Variants in CD96 observed in about 807,000 individuals in gnomAD.
CD96 encodes T-cell surface protein tactile.
Under a neutral mutation model 71.3 loss-of-function variants are expected in CD96, and 70 were observed. The ratio of observed to expected loss-of-function variants is 0.98; its 90% CI spans 0.81 to 1.20. The LOEUF is 1.20. Ranked by LOEUF, CD96 falls within the 50% of genes most tolerant of loss-of-function variation. The probability of loss-of-function intolerance (pLI) is 0.00; values close to 1 mark genes in which losing one functional copy is unlikely to be tolerated. For synonymous variants in CD96, 248 were observed against 233.0 expected, an observed-to-expected ratio of 1.06 and a Z score of -0.59; for missense variants, 742 against 677.5, an observed-to-expected ratio of 1.10 and a Z score of -1.06.
chr3:111,583,930 C>G (rs1414185166), intron 4 of CD96, among the ~76,000 whole-genome samples: 1 of 152,216 alleles, frequency 6.6e-6, no homozygotes, highest in African/African-American at 2.4e-5. Flanking sequence ...CTCCTTCCTA[C>G]TTATGCAAAT....
intron 10 of CD96, among the ~76,000 whole-genome samples, chr3:111,629,842 G>A (rs891956295): frequency 2.0e-5 from 3 of 152,084 alleles, no homozygotes; most frequent in East Asian, 1.9e-4. Flanking sequence ...AATCAAATGA[G>A]AACTCAAGAT....
Position 111,598,194 on chromosome 3 carries a change from T to C in CD96, c.882T>C (p.Leu294=), listed in dbSNP as rs774426874. Residue 294 remains leucine, a synonymous_variant, in exon 6 of 14, where the codon CTT becomes CTC. Transcript: ENST00000352690. ...CATGGTTTATAGATGGAAGTTTTCTTCATGATGAAAAAGAAGGTAAGGAAA... is the reference window on the plus strand; with the variant it reads ...CATGGTTTATAGATGGAAGTTTTCTCCATGATGAAAAAGAAGGTAAGGAAA... ...NITWFIDGSF[L]HDEKEGIYIT... 8.6e-6 allele frequency: 12 copies of C among 1,401,056 alleles called. No homozygotes were observed. Among genetic ancestry groups the C allele is most frequent in the Non-Finnish European group, 1.1e-5 (11 of 986,400 alleles). 86.8% of individuals were successfully genotyped at this position (1,401,056 alleles called of 1,614,324 possible). A position where few individuals can be genotyped will look rare whatever the true frequency, so the allele number is the denominator to read the frequency against.
At chr3:111,659,874 C>T (rs1940314494) in intron 14 of CD96, among the ~76,000 whole-genome samples, 2 of 152,100 alleles carry the variant, frequency 1.3e-5, no homozygotes, top group South Asian at 2.1e-4. Flanking sequence ...AAGGAACATA[C>T]ATCAAAATAA....
intron 10 of CD96, among the ~76,000 whole-genome samples, chr3:111,629,701 A>G (rs1938962401): frequency 6.6e-6 from 1 of 152,176 alleles, no homozygotes; most frequent in African/African-American, 2.4e-5. Flanking sequence ...CCCAAAAACA[A>G]CAGAATATAT....
chr3:111,554,700 C>A (rs1029637110), intron 2 of CD96, among the ~76,000 whole-genome samples: 2 of 152,004 alleles, frequency 1.3e-5, no homozygotes, highest in African/African-American at 4.8e-5. Context: ...GCATGGAAGA[C>A]AACTTTTCCA....
rs556121326 is a variant in CD96, at chr3:111,623,498, A to AAT, written c.1181-251_1181-250dup. Among the ~76,000 whole-genome samples, 239 of 152,318 alleles carry AAT rather than the reference A, an allele frequency of 1.6e-3. 1 individual carries two copies. Among genetic ancestry groups the AAT allele is most frequent in the Admixed American group, 6.6e-3 (101 of 15,304 alleles). On this transcript the variant is annotated intron_variant, in intron 8 of 13. Coordinates refer to ENST00000352690, the MANE Select transcript of CD96 (RefSeq NM_005816.5). ...TCTGGCATACAGTAGACACTGAAAT[A>AAT]ATATATTTTGAAAGTATGAATATAA...
intron 10 of CD96, among the ~76,000 whole-genome samples, chr3:111,630,477 A>G (rs1182649968): frequency 2.0e-5 from 3 of 152,220 alleles, no homozygotes; most frequent in Non-Finnish European, 2.9e-5. Flanking sequence ...GAATCCCTGA[A>G]TAGACCAATA....
intron 14 of CD96, among the ~76,000 whole-genome samples, chr3:111,663,775 GTC>G (rs1390959900): frequency 6.7e-6 from 1 of 148,480 alleles, no homozygotes; most frequent in Non-Finnish European, 1.5e-5. Flanking sequence ...TTGAGATGGA[GTC>G]TCGCTCTGTT....
chr3:111,561,714 C>T (rs1473789265), intron 2 of CD96, among the ~76,000 whole-genome samples: 5 of 142,142 alleles, frequency 3.5e-5, no homozygotes, highest in Non-Finnish European at 7.8e-5. Context: ...AGGCAGGCCT[C>T]CTTGAGCTGT....
chr3:111,569,724 A>G (rs1195782661), intron 3 of CD96, among the ~76,000 whole-genome samples: 1 of 152,186 alleles, frequency 6.6e-6, no homozygotes, highest in Admixed American at 6.5e-5. Context: ...AGCCTTCAGT[A>G]TGTGTCTTTT....
At chr3:111,618,901 T>C (rs1352765948) in intron 8 of CD96, among the ~76,000 whole-genome samples, 1 of 152,152 alleles carries the variant, frequency 6.6e-6, no homozygotes, top group Non-Finnish European at 1.5e-5. Flanking sequence ...CAGCTTATTC[T>C]TTATGCTCCA....
At chr3:111,644,370 A>G (rs1368295380) in intron 12 of CD96, among the ~76,000 whole-genome samples, 2 of 152,200 alleles carry the variant, frequency 1.3e-5, no homozygotes, top group Admixed American at 1.3e-4. Flanking sequence ...AAAAGATAAC[A>G]TTGGAAAAAT....
chr3:111,620,360 G>A (rs1938459936), intron 8 of CD96, among the ~76,000 whole-genome samples: 2 of 152,188 alleles, frequency 1.3e-5, no homozygotes, highest in African/African-American at 2.4e-5. Context: ...ATGTATGCAG[G>A]GAGTATCAAG....
chr3:111,593,579 A>G (rs1241645567), intron 5 of CD96: 2 of 1,541,352 alleles, frequency 1.3e-6, no homozygotes, highest in Non-Finnish European at 1.7e-6. Flanking sequence ...TGCTGCAGGC[A>G]GCTCTTTCTC....
intron 14 of CD96, among the ~76,000 whole-genome samples, chr3:111,663,214 G>T (rs567312189): frequency 9.2e-5 from 14 of 152,146 alleles, no homozygotes; most frequent in Non-Finnish European, 1.3e-4. Context: ...GTGAGATCTC[G>T]TGAGAACTCA....
intron 9 of CD96, 137 bp downstream of exon 9, chr3:111,623,959 G>A (rs1938626999): frequency 2.8e-6 from 2 of 723,336 alleles, no homozygotes; most frequent in South Asian, 3.0e-5. Flanking sequence ...TTGGTTTTGG[G>A]TTACTCTGCG....
chr3:111,639,547 C>T (rs990999434), intron 12 of CD96, among the ~76,000 whole-genome samples: 2 of 152,194 alleles, frequency 1.3e-5, no homozygotes, highest in Non-Finnish European at 2.9e-5. Context: ...CCCTATCCAA[C>T]CTGGTAGTGA....
intron 5 of CD96, among the ~76,000 whole-genome samples, chr3:111,591,894 C>T (rs1937006041): frequency 6.6e-6 from 1 of 152,206 alleles, no homozygotes; most frequent in Admixed American, 6.5e-5. Context: ...GTGAGGGCTG[C>T]CTAGCAAGTC....
intron 8 of CD96, among the ~76,000 whole-genome samples, chr3:111,615,830 G>A (rs1012707391): frequency 5.9e-5 from 9 of 152,088 alleles, no homozygotes; most frequent in African/African-American, 1.7e-4. Flanking sequence ...TATCCCCCAC[G>A]ACTGCCCTCT....
Sources: gnomAD v4.1 joint callset for allele counts (sites outside exome capture counted in the v4.1 genomes callset) on GRCh38, gnomAD v4.1.1 for gene constraint, MANE v1.5 for transcripts, NCBI Gene and HGNC (gene_info 2026-07-23, HGNC 2026-07-21) for gene names.